PLEKHH2: variants seen among roughly 807,000 people sequenced by gnomAD.
The protein encoded by PLEKHH2 is pleckstrin homology domain-containing family H member 2.
A neutral mutation model predicts 187.9 loss-of-function variants in PLEKHH2; 129 were observed. The observed-to-expected ratio is 0.69, with a 90% CI of 0.59 to 0.79. The LOEUF is 0.79. Ranked by LOEUF, PLEKHH2 falls within the 30% of genes least tolerant of loss-of-function variation. The probability of loss-of-function intolerance (pLI) is 0.00; values close to 1 mark genes in which losing one functional copy is unlikely to be tolerated. For synonymous variants in PLEKHH2, 686 were observed against 605.6 expected (o/e 1.13, Z -1.95); for missense variants, 2,076 against 1,751.2 (o/e 1.19, Z -3.31).
In PLEKHH2 at chr2:43,700,141, C is replaced by T. The variant is rs756158269; in HGVS notation, c.1183C>T (p.Leu395Phe). 1.2e-6 allele frequency: 2 copies of T among 1,614,014 alleles called. No homozygotes were observed. Among genetic ancestry groups the T allele is most frequent in the African/African-American group, 1.3e-5 (1 of 74,884 alleles). ...GAATAAAAAATTTCAATCCCAGAGA[C>T]TCGATTATTCATCTTCATCGAGTGA... ...ELNKKFQSQRLDYSSSSSEAN... is the reference protein window; with the variant it reads ...ELNKKFQSQRFDYSSSSSEAN... Residue 395 changes from leucine to phenylalanine, a missense_variant, in exon 8 of 30, where the codon CTC (leucine) becomes TTC (phenylalanine). Transcript: ENST00000282406.
intron 11 of PLEKHH2, among the ~76,000 whole-genome samples, 199 bp downstream of exon 11, chr2:43,707,744 A>AG (rs889573491): frequency 9.8e-6 from 1 of 102,152 alleles, no homozygotes; most frequent in Non-Finnish European, 1.9e-5. Context: ...CAAATTATAT[A>AG]GTTTTTTTTT....
chr2:43,748,657 G>A (rs549715919), intron 24 of PLEKHH2, among the ~76,000 whole-genome samples: 1 of 152,216 alleles, frequency 6.6e-6, no homozygotes. Flanking sequence ...TGACCTAACG[G>A]TCCTCATTGC....
intron 2 of PLEKHH2, among the ~76,000 whole-genome samples, chr2:43,656,598 C>T (rs1666780937): frequency 6.6e-6 from 1 of 152,222 alleles, no homozygotes. Flanking sequence ...GTTTAGTTAT[C>T]TATTGCTGCA....
Position 43,742,812 on chromosome 2 carries a change from A to T in PLEKHH2, c.3293A>T (p.Glu1098Val). Residue 1098 changes from glutamate (E) to valine (V), a missense_variant, in exon 22 of 30, where the codon GAA (glutamate) becomes GTA (valine). Glu to Val is a moderately radical substitution (Grantham distance 121, BLOSUM62 -2). Coordinates refer to ENST00000282406, the MANE Select transcript of PLEKHH2 (RefSeq NM_172069.4). ...VERTQQNGDR[E>V]ARPSRMEILS... Reference sequence around the variant, plus strand: ...AGAACGCAACAAAATGGTGACAGAGAAGCAAGACCCTCAAGGATGGAAATT... The same window carrying T: ...AGAACGCAACAAAATGGTGACAGAGTAGCAAGACCCTCAAGGATGGAAATT... The T allele has an allele frequency of 6.2e-7, 1 of 1,607,480 alleles. No individual in the cohort carries two copies. The highest frequency in any genetic ancestry group is 8.5e-7 in the Non-Finnish European group (1 of 1,177,570).
At chr2:43,745,066 C>G (rs924910957) in intron 23 of PLEKHH2, among the ~76,000 whole-genome samples, 1 of 152,086 alleles carries the variant, frequency 6.6e-6, no homozygotes, top group Non-Finnish European at 1.5e-5. Flanking sequence ...GTAATCCCAG[C>G]ACTTTGGGAG....
At chr2:43,701,608 A>G (rs1039564708) in intron 8 of PLEKHH2, among the ~76,000 whole-genome samples, 1 of 152,044 alleles carries the variant, frequency 6.6e-6, no homozygotes, top group Non-Finnish European at 1.5e-5. Context: ...TTGAGCTTAT[A>G]TAGCCATTGG....
chr2:43,728,451 C>G (rs186976707), intron 17 of PLEKHH2, among the ~76,000 whole-genome samples: 87 of 135,780 alleles, frequency 6.4e-4, no homozygotes, highest in Middle Eastern at 4.2e-3. Context: ...GCACTCCAGC[C>G]TGGGTGACAG....
Position 43,707,449 on chromosome 2 carries a change from T to C in PLEKHH2, c.1870T>C (p.Ser624Pro), listed in dbSNP as rs959930601. Residue 624 changes from serine (S) to proline (P), a missense_variant, in exon 11 of 30, where the codon TCA becomes CCA. Physicochemically the swap from Ser to Pro is moderately conservative, Grantham distance 74. Transcript: ENST00000282406. ...SSPFLDDSSG[S>P]EEEDSSRSSS... Reference sequence around the variant, plus strand: ...CCCTTTCCTGGATGACTCATCTGGGTCAGAGGAAGAAGACAGCTCCAGATC... The same window carrying C: ...CCCTTTCCTGGATGACTCATCTGGGCCAGAGGAAGAAGACAGCTCCAGATC... The C allele has an allele frequency of 1.2e-6, 2 of 1,613,986 alleles. No individual in the cohort carries two copies. Among genetic ancestry groups the C allele is most frequent in the South Asian group, 2.2e-5 (2 of 91,072 alleles).
intron 8 of PLEKHH2, among the ~76,000 whole-genome samples, chr2:43,702,867 G>T (rs1669450696): frequency 6.6e-6 from 1 of 152,102 alleles, no homozygotes; most frequent in Admixed American, 6.6e-5. Context: ...GACATCCATT[G>T]CCCCTGCTCC....
At chr2:43,715,141 T>G (rs1056950643) in intron 15 of PLEKHH2, among the ~76,000 whole-genome samples, 4 of 151,942 alleles carry the variant, frequency 2.6e-5, no homozygotes, top group African/African-American at 9.7e-5. Context: ...CCAGGCATGC[T>G]GGCGGGCACC....
chr2:43,693,602 T>C (rs938601979), intron 4 of PLEKHH2, among the ~76,000 whole-genome samples: 33 of 151,742 alleles, frequency 2.2e-4, no homozygotes, highest in African/African-American at 8.0e-4. Flanking sequence ...CGGGCTCCTG[T>C]AGTCCCAGCT....
At chr2:43,667,468 C>G (rs983874287) in intron 2 of PLEKHH2, among the ~76,000 whole-genome samples, 3 of 152,150 alleles carry the variant, frequency 2.0e-5, no homozygotes, top group Non-Finnish European at 4.4e-5. Context: ...CAAGTCCACA[C>G]AAAAACTTTT....
chr2:43,716,321 G>A (rs770057765), intron 15 of PLEKHH2, among the ~76,000 whole-genome samples: 126 of 152,156 alleles, frequency 8.3e-4, no homozygotes, highest in Non-Finnish European at 1.0e-3. Flanking sequence ...GAGGAAGGGT[G>A]CAGAAAAGTA....
intron 3 of PLEKHH2, among the ~76,000 whole-genome samples, chr2:43,684,039 A>G (rs1163125267): frequency 1.3e-5 from 2 of 152,226 alleles, no homozygotes; most frequent in East Asian, 3.9e-4. Flanking sequence ...ACACTGACAC[A>G]TCATTGTTAC....
At chr2:43,707,339 T>G (rs879198549) in intron 10 of PLEKHH2, 62 bp from the exon 11 acceptor site, 1 of 1,590,626 alleles carries the variant, frequency 6.3e-7, no homozygotes, top group African/African-American at 1.3e-5. Context: ...ACTAGCAGCC[T>G]TTTCTTGGAT....
intron 3 of PLEKHH2, chr2:43,681,426 A>T: frequency 6.5e-7 from 1 of 1,548,874 alleles, no homozygotes; most frequent in Non-Finnish European, 8.7e-7. Context: ...TATTAATTGA[A>T]TGAGTTCCTT....
At chr2:43,719,533 G>T (rs577274803) in intron 15 of PLEKHH2, among the ~76,000 whole-genome samples, 2 of 152,180 alleles carry the variant, frequency 1.3e-5, no homozygotes, top group South Asian at 2.1e-4. Flanking sequence ...TCCGTGTCCC[G>T]GTTTCAAGCA....
chr2:43,675,926 C>A (rs1163664638), intron 2 of PLEKHH2: 1 of 1,613,994 alleles, frequency 6.2e-7, no homozygotes, highest in Non-Finnish European at 8.5e-7. Flanking sequence ...TTGTAGTTGT[C>A]ACCATACTTT....
At chr2:43,640,992 C>T (rs1208263882) in intron 1 of PLEKHH2, among the ~76,000 whole-genome samples, 1 of 148,366 alleles carries the variant, frequency 6.7e-6, no homozygotes, top group Non-Finnish European at 1.5e-5. Context: ...AGGGTTTTGC[C>T]ACCTTGCCCA....
Sources: allele counts gnomAD v4.1 joint callset (sites outside exome capture counted in the v4.1 genomes callset), GRCh38; gene constraint gnomAD v4.1.1; transcripts MANE v1.5; gene names NCBI Gene and HGNC (gene_info 2026-07-23, HGNC 2026-07-21).